The following PNPLA4 variants were observed in gnomAD, a reference collection of about 807,000 sequenced individuals.
PNPLA4 encodes the protein patatin-like phospholipase domain-containing protein 4.
Under a neutral mutation model 18.3 loss-of-function variants are expected in PNPLA4, and 15 were observed. That is an observed-to-expected ratio of 0.82 (90% CI 0.55 to 1.26). The LOEUF (loss-of-function observed/expected upper bound fraction) is 1.26. Among genes scored for constraint, PNPLA4 ranks in the 50% most tolerant of loss-of-function variants. The pLI, the probability that PNPLA4 is intolerant of heterozygous loss-of-function variation, is 0.00. For missense variants in PNPLA4, 229 were observed against 196.8 expected (o/e 1.16, Z -0.98); for synonymous variants, 88 against 85.6 (o/e 1.03, Z -0.16).
upstream of PNPLA4, chrX:7,927,549 C>T (rs776614217): frequency 9.7e-5 from 11 of 113,599 alleles, no homozygotes; most frequent in East Asian, 2.0e-3. Context: ...CGTCCTCCAG[C>T]GCAGGCAAGG....
chrX:7,912,010 C>T lies in PNPLA4; in HGVS notation c.477+18G>A, dbSNP rs780730886. On this transcript the variant is annotated intron_variant, in intron 5 of 6. Coordinates refer to ENST00000381042, the MANE Select transcript of PNPLA4 (RefSeq NM_004650.3). ...TAATATAGGGAGGAGGGTAATTCCTCAGTTATAACAAGCTTACCTGCCCTT... is the reference window on the plus strand; with the variant it reads ...TAATATAGGGAGGAGGGTAATTCCTTAGTTATAACAAGCTTACCTGCCCTT... The T allele has an allele frequency of 3.8e-5, 43 of 1,122,938 alleles. No homozygotes were observed. The highest frequency in any genetic ancestry group is 5.3e-5 in the Non-Finnish European group (43 of 818,452). 92.5% of individuals were successfully genotyped at this position (1,122,938 alleles called of 1,213,427 possible). A position where few individuals can be genotyped will look rare whatever the true frequency, so the allele number is the denominator to read the frequency against.
chrX:7,919,357 G>A (rs182296783), intron 4 of PNPLA4, among the ~76,000 whole-genome samples: 2 of 112,455 alleles, frequency 1.8e-5, no homozygotes, highest in Admixed American at 9.4e-5. Context: ...TGGAGGCTCT[G>A]GGGGAGAATG....
chrX:7,909,462 G>A (rs1025779226), intron 5 of PNPLA4, among the ~76,000 whole-genome samples: 5 of 110,534 alleles, frequency 4.5e-5, no homozygotes, highest in Admixed American at 9.6e-5. Flanking sequence ...AGGAGGCTGA[G>A]GCAGGAGAAT....
Position 7,926,095 on chromosome X carries a change from C to T in PNPLA4, c.25G>A (p.Ala9Thr), listed in dbSNP as rs1924391606. 1 of 1,210,108 alleles carries T rather than the reference C, an allele frequency of 8.3e-7. No individual in the cohort carries two copies. The highest frequency in any genetic ancestry group is 1.1e-6 in the Non-Finnish European group (1 of 894,404). Residue 9 changes from alanine to threonine, a missense_variant, in exon 2 of 7, where the codon GCA becomes ACA. By Grantham distance (58) the Ala-to-Thr change is moderately conservative. Coordinates refer to ENST00000381042, the MANE Select transcript of PNPLA4 (RefSeq NM_004650.3). The part of the protein sequence containing the change: MKHINLSF[A>T]ACGFLGIYHL... Reference sequence around the variant, plus strand: ...TAAATGCCCAGAAATCCACACGCTGCAAATGATAGGTTGATGTGCTTCATT... The same window carrying T: ...TAAATGCCCAGAAATCCACACGCTGTAAATGATAGGTTGATGTGCTTCATT...
At chrX:7,912,787 A>G (rs1381215491) in intron 4 of PNPLA4, among the ~76,000 whole-genome samples, 2 of 112,383 alleles carry the variant, frequency 1.8e-5, no homozygotes, top group African/African-American at 6.5e-5. Flanking sequence ...ATTTGAAAAC[A>G]TACAGCATTA....
intron 4 of PNPLA4, among the ~76,000 whole-genome samples, chrX:7,915,314 G>GC (rs1924011200): frequency 1.3e-5 from 1 of 76,587 alleles, no homozygotes; most frequent in African/African-American, 4.9e-5. Context: ...GGGTGGGGGG[G>GC]GGGGTGTGTC....
chrX:7,924,907 G>C (rs1393837226), intron 2 of PNPLA4, among the ~76,000 whole-genome samples: 2 of 112,155 alleles, frequency 1.8e-5, no homozygotes, highest in Non-Finnish European at 3.8e-5. Flanking sequence ...AAAGCCCTCT[G>C]CTTCAAAAAC....
chrX:7,922,321 A>G (rs1924255542), intron 2 of PNPLA4, among the ~76,000 whole-genome samples: 1 of 112,071 alleles, frequency 8.9e-6, no homozygotes, highest in South Asian at 3.7e-4. Flanking sequence ...TTCCTTTGTA[A>G]AGCACCTTAA....
At position 7,922,089 on chromosome X, in the gene PNPLA4, G is replaced by A. The variant is rs1216712633; in HGVS notation, c.190C>T (p.Gln64Ter). The change falls in exon 3 of 7, where the codon CAA becomes TAA. Residue 64 changes from glutamine to a stop codon, truncating the protein, a stop_gained. Transcript: ENST00000381042. LOFTEE classifies it high-confidence loss of function. Reference protein sequence around the residue: ...TAPEKIEECNQFTYKFAEEIR... With the variant: ...TAPEKIEECN ...TCTTCGGCAAACTTGTAGGTAAATT[G>A]GTTACATTCCTAAAAAAAGAAAATT... 5.9e-6 allele frequency: 7 copies of A among 1,187,262 alleles called. No homozygotes were observed. The African/African-American group carries it at 1.1e-4, about 18-fold the overall frequency.
In PNPLA4 at chrX:7,902,136, C is replaced by G; in HGVS notation, c.483G>C (p.Trp161Cys). The change falls in exon 6 of 7, where the codon TGG becomes TGC. Residue 161 changes from tryptophan to cysteine, a missense_variant. Coordinates refer to ENST00000381042, the MANE Select transcript of PNPLA4 (RefSeq NM_004650.3). ...LKLVEYKGQK[W>C]VDGGLTNALP... ...GAGCGTTGGTGAGGCCTCCGTCCAC[C>G]CACTTCTGTGGAAAGAAACATCTCA... The G allele has an allele frequency of 8.3e-7, 1 of 1,200,112 alleles. No homozygotes were observed. Among genetic ancestry groups the G allele is most frequent in the African/African-American group, 1.7e-5 (1 of 57,207 alleles).
chrX:7,915,461 C>T (rs1201928099), intron 4 of PNPLA4, among the ~76,000 whole-genome samples: 1 of 111,385 alleles, frequency 9.0e-6, no homozygotes, highest in African/African-American at 3.3e-5. Flanking sequence ...TGGTTGAGAA[C>T]GCTGATGTGG....
chrX:7,925,795 T>C, intron 2 of PNPLA4, 145 bp downstream of exon 2: 1 of 463,319 alleles, frequency 2.2e-6, no homozygotes, highest in Non-Finnish European at 3.6e-6. Flanking sequence ...AATAATTACA[T>C]CTTAAGAGAA....
rs765798218 is a variant in PNPLA4 at position 7,914,321 on chromosome X, C to T, written c.412-2228G>A. Among the ~76,000 whole-genome samples, 3 of 111,518 alleles carry T rather than the reference C, an allele frequency of 2.7e-5. No individual in the cohort carries two copies. The South Asian group carries it at 1.1e-3, about 42-fold the overall frequency. ...GCACCTTGGGTGATTTGGTGAAGAT[C>T]GCTTAATAAATCAATAGGAGAGAGA... On this transcript the variant is annotated intron_variant, in intron 4 of 6. Coordinates refer to ENST00000381042, the MANE Select transcript of PNPLA4 (RefSeq NM_004650.3).
chrX:7,903,137 T>C (rs1301311336), intron 5 of PNPLA4, among the ~76,000 whole-genome samples: 1 of 111,638 alleles, frequency 9.0e-6, no homozygotes, highest in East Asian at 2.8e-4. Flanking sequence ...TAAAATGCAA[T>C]GCAGATAAAA....
At chrX:7,909,903 T>G (rs1923822055) in intron 5 of PNPLA4, among the ~76,000 whole-genome samples, 1 of 111,469 alleles carries the variant, frequency 9.0e-6, no homozygotes, top group Admixed American at 9.6e-5. Flanking sequence ...CAGCCACAGG[T>G]TCAGATAAAA....
Position 7,926,090 on chromosome X carries a change from C to A in PNPLA4, c.30G>T (p.Ala10=). The A allele has an allele frequency of 8.3e-7, 1 of 1,210,580 alleles. No individual in the cohort carries two copies. Among genetic ancestry groups the A allele is most frequent in the South Asian group, 1.8e-5 (1 of 56,714 alleles). Residue 10 remains alanine (A), a synonymous_variant, in exon 2 of 7, where the codon GCG becomes GCT. Transcript: ENST00000381042. MKHINLSFA[A]CGFLGIYHLG... ...AGTGGTAAATGCCCAGAAATCCACA[C>A]GCTGCAAATGATAGGTTGATGTGCT... is the stretch of plus-strand genomic sequence containing the variant.
intron 2 of PNPLA4, among the ~76,000 whole-genome samples, chrX:7,924,649 T>C (rs895031978): frequency 2.7e-5 from 3 of 112,280 alleles, no homozygotes; most frequent in Non-Finnish European, 5.6e-5. Flanking sequence ...ACAGGTAAAC[T>C]GATCTGAGAA....
chrX:7,910,275 G>C (rs1923831443), intron 5 of PNPLA4, among the ~76,000 whole-genome samples: 1 of 111,080 alleles, frequency 9.0e-6, no homozygotes, highest in Non-Finnish European at 1.9e-5. Flanking sequence ...CTCAAGGAAA[G>C]ACACTGATGA....
intron 5 of PNPLA4, among the ~76,000 whole-genome samples, chrX:7,903,585 C>G (rs778003996): frequency 2.7e-5 from 3 of 111,728 alleles, no homozygotes; most frequent in Non-Finnish European, 5.6e-5. Flanking sequence ...AGGCATGAGT[C>G]ACTGCGCCTG....
Sources: allele counts gnomAD v4.1 joint callset (sites outside exome capture counted in the v4.1 genomes callset), GRCh38; gene constraint gnomAD v4.1.1; transcripts MANE v1.5; gene names NCBI Gene and HGNC (gene_info 2026-07-23, HGNC 2026-07-21).